Variants in ARMCX5 observed in about 807,000 individuals in gnomAD.
ARMCX5 encodes the protein armadillo repeat-containing X-linked protein 5.
In ARMCX5, 1 loss-of-function variant was observed where a neutral mutation model predicts 7.5. That is an observed-to-expected ratio of 0.13 (90% CI 0.05 to 0.63). The LOEUF (loss-of-function observed/expected upper bound fraction) is 0.63, where lower values mean the gene tolerates loss of function less well. ARMCX5 is among the 30% of genes least tolerant of loss of function. ARMCX5 has a pLI of 0.86. For synonymous variants in ARMCX5, 149 were observed against 145.7 expected (o/e 1.02, Z -0.16); for missense variants, 346 against 402.2 (o/e 0.86, Z 1.19).
At chrX:102,601,149 G>C (rs1381994917) in intron 2 of ARMCX5, 117 bp downstream of exon 2, 1 of 111,953 alleles carries the variant, frequency 8.9e-6, no homozygotes, top group Non-Finnish European at 1.9e-5. Flanking sequence ...TGCTGATTTA[G>C]TTGGGAGTCT....
chrX:102,603,596 T>G lies in ARMCX5; in HGVS notation c.1455T>G (p.Asn485Lys). 8.4e-7 allele frequency: 1 copy of G among 1,190,299 alleles called. No homozygotes were observed. Among genetic ancestry groups the G allele is most frequent in the African/African-American group, 1.7e-5 (1 of 57,248 alleles). The change falls in exon 4 of 4, where the codon AAT becomes AAG. Residue 485 changes from asparagine (N) to lysine (K), a missense_variant. Transcript: ENST00000473968. ...CATTGGTTGCACCCTTTAACAAGAA[T>G]GAGTCAAAGGCCAATATTCTTAATA... is the stretch of plus-strand genomic sequence containing the variant. ...LSSLVAPFNKNESKANILNII... is the reference protein window; with the variant it reads ...LSSLVAPFNKKESKANILNII...
rs1323042694 is a variant in ARMCX5, at chrX:102,602,947, C to T, written c.806C>T (p.Pro269Leu). ...LGIRPLTKIP[P>L]YHGPYYQTLA... The stretch of plus-strand genomic sequence containing the variant: ...ATTCGACCTTTGACCAAGATCCCAC[C>T]TTATCATGGGCCTTATTACCAGACC... Residue 269 changes from proline to leucine, a missense_variant, in exon 4 of 4, where the codon CCT (proline) becomes CTT (leucine). By Grantham distance (98) the Pro-to-Leu change is moderately conservative. Transcript: ENST00000473968. The T allele has an allele frequency of 8.3e-7, 1 of 1,211,085 alleles. No individual in the cohort carries two copies. The highest frequency in any genetic ancestry group is 2.2e-5 in the Admixed American group (1 of 46,008).
intron 1 of ARMCX5, 171 bp from the exon 2 acceptor site, chrX:102,600,749 G>A (rs929150690): frequency 4.5e-5 from 5 of 111,523 alleles, no homozygotes; most frequent in African/African-American, 1.6e-4. Flanking sequence ...ATAGAGCAGA[G>A]GGGCTTGGAG....
Position 102,601,045 on chromosome X carries a change from G to A in ARMCX5, c.-309+13G>A, listed in dbSNP as rs1271799029. The A allele has an allele frequency of 8.9e-6, 1 of 111,857 alleles. No homozygotes were observed. The highest frequency in any genetic ancestry group is 1.9e-5 in the Non-Finnish European group (1 of 53,182). The allele number at this position is 111,857 out of a possible 1,213,427, so 9.2% of individuals were successfully genotyped here. A position where few individuals can be genotyped will look rare whatever the true frequency, so the allele number is the denominator to read the frequency against. ...TGTATCTGTTAAGGTTGGTGTAAAGGTACAGGGACAGGGGGGCAACTTCGA... is the reference window on the plus strand; with the variant it reads ...TGTATCTGTTAAGGTTGGTGTAAAGATACAGGGACAGGGGGGCAACTTCGA... On this transcript the variant is annotated intron_variant, in intron 2 of 3. Coordinates refer to ENST00000473968, the MANE Select transcript of ARMCX5 (RefSeq NM_001168478.2).
rs138502487 is a variant in ARMCX5 at position 102,602,392 on chromosome X, C to T, written c.251C>T (p.Thr84Ile). 9.2e-5 allele frequency: 111 copies of T among 1,210,024 alleles called. No homozygotes were observed. Among genetic ancestry groups the T allele is most frequent in the Non-Finnish European group, 1.1e-4 (98 of 895,085 alleles). Reference protein sequence around the residue: ...TREVIKVEDTTKTRVMVETKT... With the variant: ...TREVIKVEDTIKTRVMVETKT... ...GAAGTGATCAAGGTGGAAGATACAA[C>T]TAAGACTAGAGTCATGGTTGAGACT... Residue 84 changes from threonine to isoleucine, a missense_variant, in exon 4 of 4, where the codon ACT becomes ATT. By Grantham distance (89) the Thr-to-Ile change is moderately conservative. Coordinates refer to ENST00000473968, the MANE Select transcript of ARMCX5 (RefSeq NM_001168478.2).
chrX:102,600,895 T>G (rs900198221), intron 1 of ARMCX5, 25 bp from the exon 2 acceptor site: 1 of 111,801 alleles, frequency 8.9e-6, no homozygotes, highest in African/African-American at 3.3e-5. Context: ...CATTTATTGG[T>G]CTCTGTTTTT....
upstream of ARMCX5, chrX:102,599,401 G>A (rs1290658109): frequency 1.8e-5 from 2 of 110,451 alleles, no homozygotes; most frequent in Non-Finnish European, 1.9e-5. Context: ...TACCTGAAGC[G>A]GCCACAGGGT....
In ARMCX5 at chrX:102,602,843, A is replaced by G; in HGVS notation, c.702A>G (p.Pro234=). 1 of 1,210,088 alleles carries G rather than the reference A, an allele frequency of 8.3e-7. No homozygotes were observed. The highest frequency in any genetic ancestry group is 1.1e-6 in the Non-Finnish European group (1 of 893,938). The change falls in exon 4 of 4, where the codon CCA becomes CCG. Residue 234 remains proline, a synonymous_variant. Transcript: ENST00000473968. ...GGGCCAGGTATATTGTCCTAGTTCC[A>G]GTTGAAGGAGGGGAGCAATCCTTGC... ...WSRARYIVLV[P]VEGGEQSLPP...
At position 102,600,983 on chromosome X, in the gene ARMCX5, T is replaced by C. The variant is rs2081031757; in HGVS notation, c.-358T>C. On this transcript the variant is annotated 5_prime_UTR_variant, in exon 2 of 4. Transcript: ENST00000473968. ...AAGTTTTGTAAAATGGTCACCCAAC[T>C]TAAAACTAGGAAATTACGAAGAAGA... is the stretch of plus-strand genomic sequence containing the variant. 8.9e-6 allele frequency: 1 copy of C among 112,017 alleles called. No individual in the cohort carries two copies. The highest frequency in any genetic ancestry group is 3.7e-4 in the South Asian group (1 of 2,679). 9.2% of individuals were successfully genotyped at this position (112,017 alleles called of 1,213,427 possible). A position where few individuals can be genotyped will look rare whatever the true frequency, so the allele number is the denominator to read the frequency against.
In ARMCX5 at chrX:102,603,257, T is replaced by C; in HGVS notation, c.1116T>C (p.Ala372=). 1 of 1,211,300 alleles carries C rather than the reference T, an allele frequency of 8.3e-7. No individual in the cohort carries two copies. The highest frequency in any genetic ancestry group is 1.1e-6 in the Non-Finnish European group (1 of 895,354). ...NNPNVKEHPG[A]LSMVDDSSES... ...CCAATGTTAAAGAACACCCTGGAGC[T>C]TTAAGTATGGTGGATGACAGCTCTG... Residue 372 remains alanine (A), a synonymous_variant, in exon 4 of 4, where the codon GCT becomes GCC. Coordinates refer to ENST00000473968, the MANE Select transcript of ARMCX5 (RefSeq NM_001168478.2).
Position 102,603,445 on chromosome X carries a change from C to T in ARMCX5, c.1304C>T (p.Pro435Leu). 8.3e-7 allele frequency: 1 copy of T among 1,207,323 alleles called. No homozygotes were observed. The highest frequency in any genetic ancestry group is 1.1e-6 in the Non-Finnish European group (1 of 892,176). The change falls in exon 4 of 4, where the codon CCA (proline) becomes CTA (leucine). Residue 435 changes from proline (P) to leucine (L), a missense_variant. Coordinates refer to ENST00000473968, the MANE Select transcript of ARMCX5 (RefSeq NM_001168478.2). ...CACTATGTGATTACCAGTTATATTC[C>T]AGATTTCCTCACCTTGTTAAACAAG... Reference protein sequence around the residue: ...EDHYVITSYIPDFLTLLNKGS... With the variant: ...EDHYVITSYILDFLTLLNKGS...
chrX:102,600,740 T>C (rs899053192), intron 1 of ARMCX5, 180 bp from the exon 2 acceptor site: 11 of 111,499 alleles, frequency 9.9e-5, no homozygotes, highest in African/African-American at 3.6e-4. Flanking sequence ...ACTTTGAGAA[T>C]AGAGCAGAGG....
In ARMCX5 at chrX:102,603,427, T is replaced by G; in HGVS notation, c.1286T>G (p.Val429Gly). The change falls in exon 4 of 4, where the codon GTG becomes GGG. Residue 429 changes from valine to glycine, a missense_variant. By Grantham distance (109) the Val-to-Gly change is moderately radical. Coordinates refer to ENST00000473968, the MANE Select transcript of ARMCX5 (RefSeq NM_001168478.2). ...AGTATAAAATTTGAAGATCACTATG[T>G]GATTACCAGTTATATTCCAGATTTC... ...HLSIKFEDHY[V>G]ITSYIPDFLT... 8.3e-7 allele frequency: 1 copy of G among 1,208,940 alleles called. No homozygotes were observed. Among genetic ancestry groups the G allele is most frequent in the Non-Finnish European group, 1.1e-6 (1 of 893,497 alleles).
chrX:102,600,752 G>A (rs1379556737), intron 1 of ARMCX5, 168 bp from the exon 2 acceptor site: 2 of 111,522 alleles, frequency 1.8e-5, no homozygotes, highest in Non-Finnish European at 1.9e-5. Context: ...GAGCAGAGGG[G>A]CTTGGAGATT....
Position 102,602,555 on chromosome X carries a change from C to A in ARMCX5, c.414C>A (p.Ala138=). 8.3e-7 allele frequency: 1 copy of A among 1,211,312 alleles called. No individual in the cohort carries two copies. Among genetic ancestry groups the A allele is most frequent in the Non-Finnish European group, 1.1e-6 (1 of 895,294 alleles). ...TTGAGGCAAATATTAGGTCCTATGC[C>A]AAGTCACATGATAAGGCCAATACTG... is the stretch of plus-strand genomic sequence containing the variant. ...AVIEANIRSY[A]KSHDKANTGS... The change falls in exon 4 of 4, where the codon GCC becomes GCA. Residue 138 remains alanine (A), a synonymous_variant. Coordinates refer to ENST00000473968, the MANE Select transcript of ARMCX5 (RefSeq NM_001168478.2).
Position 102,602,567 on chromosome X carries a change from T to G in ARMCX5, c.426T>G (p.Asp142Glu), listed in dbSNP as rs776569480. The G allele has an allele frequency of 8.3e-7, 1 of 1,209,429 alleles. No homozygotes were observed. The highest frequency in any genetic ancestry group is 2.2e-5 in the Admixed American group (1 of 45,759). The change falls in exon 4 of 4, where the codon GAT becomes GAG. Residue 142 changes from aspartate (D) to glutamate (E), a missense_variant. Physicochemically the swap from Asp to Glu is conservative, Grantham distance 45. Around this residue, in one of 3 missense-constraint regions of ARMCX5, gnomAD observed 204 missense variants for 244.3 expected, o/e 0.83. Coordinates refer to ENST00000473968, the MANE Select transcript of ARMCX5 (RefSeq NM_001168478.2). ...ANIRSYAKSH[D>E]KANTGSRPDR... is the part of the protein sequence containing the mutation. Reference sequence around the variant, plus strand: ...TTAGGTCCTATGCCAAGTCACATGATAAGGCCAATACTGGGTCCAGACCTG... The same window carrying G: ...TTAGGTCCTATGCCAAGTCACATGAGAAGGCCAATACTGGGTCCAGACCTG...
At position 102,603,364 on chromosome X, in the gene ARMCX5, C is replaced by T; in HGVS notation, c.1223C>T (p.Pro408Leu). 5 of 1,211,035 alleles carry T rather than the reference C, an allele frequency of 4.1e-6. No homozygotes were observed. Among genetic ancestry groups the T allele is most frequent in the Non-Finnish European group, 5.6e-6 (5 of 894,992 alleles). The change falls in exon 4 of 4, where the codon CCT becomes CTT. Residue 408 changes from proline (P) to leucine (L), a missense_variant. Around this residue, in one of 3 missense-constraint regions of ARMCX5, gnomAD observed 139 missense variants for 141.1 expected, o/e 0.99. Coordinates refer to ENST00000473968, the MANE Select transcript of ARMCX5 (RefSeq NM_001168478.2). ...KGIISCPLNS[P>L]VQLAGLKLLG... The stretch of plus-strand genomic sequence containing the variant: ...ATAATCTCTTGCCCCTTGAACTCCC[C>T]TGTGCAGCTGGCTGGACTGAAATTA...
chrX:102,602,355 G>C lies in ARMCX5; in HGVS notation c.214G>C (p.Ala72Pro), dbSNP rs1413251452. The stretch of plus-strand genomic sequence containing the variant: ...TACAGTGACCTACAGGGAGGCTATG[G>C]CTGTGACAAGGGAAGTGATCAAGGT... The part of the protein sequence containing the change: ...THTVTYREAM[A>P]VTREVIKVED... Residue 72 changes from alanine (A) to proline (P), a missense_variant, in exon 4 of 4, where the codon GCT becomes CCT. Around this residue, in one of 3 missense-constraint regions of ARMCX5, gnomAD observed 204 missense variants for 244.3 expected, o/e 0.83. Transcript: ENST00000473968. 1 of 1,209,851 alleles carries C rather than the reference G, an allele frequency of 8.3e-7. No individual in the cohort carries two copies. Among genetic ancestry groups the C allele is most frequent in the African/African-American group, 1.7e-5 (1 of 57,179 alleles).
chrX:102,603,313 C>T lies in ARMCX5; in HGVS notation c.1172C>T (p.Ser391Leu). 8.3e-7 allele frequency: 1 copy of T among 1,210,257 alleles called. No individual in the cohort carries two copies. The highest frequency in any genetic ancestry group is 1.7e-5 in the African/African-American group (1 of 57,606). The change falls in exon 4 of 4, where the codon TCA becomes TTA. Residue 391 changes from serine (S) to leucine (L), a missense_variant. Transcript: ENST00000473968. ...TCCGAAGAACCAAAATCAGGGGAGT[C>T]ATATATACATCAAGTTTGTAAAGGC... The part of the protein sequence containing the change: ...ESSEEPKSGE[S>L]YIHQVCKGII...
Sources: allele counts gnomAD v4.1 joint callset, GRCh38; gene constraint gnomAD v4.1.1; regional missense constraint gnomAD v4.1.1; transcripts MANE v1.5; gene names NCBI Gene and HGNC (gene_info 2026-07-23, HGNC 2026-07-21).